ASRGL1: variants seen among roughly 807,000 people sequenced by gnomAD.
ASRGL1 encodes isoaspartyl peptidase/L-asparaginase.
A neutral mutation model predicts 22.4 loss-of-function variants in ASRGL1; 16 were observed. That is an observed-to-expected ratio of 0.71 (90% CI 0.48 to 1.08). ASRGL1 has a LOEUF of 1.08. ASRGL1 is among the 50% of genes least tolerant of loss of function. The pLI is 0.00. For synonymous variants in ASRGL1, 165 were observed against 159.3 expected (o/e 1.04, Z -0.27); for missense variants, 412 against 410.1 (o/e 1.00, Z -0.04).
At chr11:62,355,668 G>C (rs59299246) in intron 2 of ASRGL1, among the ~76,000 whole-genome samples, 8 of 148,018 alleles carry the variant, frequency 5.4e-5, no homozygotes, top group African/African-American at 2.0e-4. Context: ...GTTTCTCGCA[G>C]AGGGGGATTT....
intron 2 of ASRGL1, among the ~76,000 whole-genome samples, chr11:62,343,377 CAAAAAAAAA>C (rs35798082): frequency 4.6e-5 from 4 of 86,352 alleles, no homozygotes; most frequent in Non-Finnish European, 8.8e-5. Context: ...GACCCTGTCT[CAAAAAAAAA>C]AAAAAAAAAA....
intron 4 of ASRGL1, among the ~76,000 whole-genome samples, chr11:62,361,596 T>C (rs902392538): frequency 6.6e-6 from 1 of 151,190 alleles, no homozygotes; most frequent in African/African-American, 2.4e-5. Context: ...CAAGAGATTC[T>C]TCTGCCTCAG....
chr11:62,353,343 C>CT (rs35136967), intron 2 of ASRGL1, among the ~76,000 whole-genome samples: 82,002 of 135,912 alleles, frequency 0.6, 25,614 homozygotes, highest in South Asian at 0.77. Flanking sequence ...TTTTATGATG[C>CT]TTTTTTTTTT....
At chr11:62,365,163 A>C (rs1946580902) in intron 4 of ASRGL1, among the ~76,000 whole-genome samples, 1 of 152,170 alleles carries the variant, frequency 6.6e-6, no homozygotes, top group East Asian at 1.9e-4. Flanking sequence ...TGTAAGCCAG[A>C]GGGTACAAAA....
chr11:62,372,219 TG>T, intron 4 of ASRGL1: 1 of 1,270,700 alleles, frequency 7.9e-7, no homozygotes, highest in Admixed American at 1.7e-5. Flanking sequence ...AGCCACGAAG[TG>T]ATTGTGTGCA....
chr11:62,349,098 C>T (rs551832102), intron 2 of ASRGL1, among the ~76,000 whole-genome samples: 2 of 152,006 alleles, frequency 1.3e-5, no homozygotes, highest in East Asian at 3.9e-4. Context: ...CCTCCTGAGT[C>T]GCTGGGATTA....
chr11:62,366,961 T>A (rs900585022), intron 4 of ASRGL1, among the ~76,000 whole-genome samples: 6 of 152,214 alleles, frequency 3.9e-5, no homozygotes, highest in African/African-American at 1.4e-4. Flanking sequence ...TCCCAGCAGC[T>A]TGGGAGGCTG....
At chr11:62,362,246 C>CTA (rs1946451604) in intron 4 of ASRGL1, among the ~76,000 whole-genome samples, 1 of 151,318 alleles carries the variant, frequency 6.6e-6, no homozygotes, top group Non-Finnish European at 1.5e-5. Context: ...ATATTTCACC[C>CTA]TATAACAAGT....
intron 4 of ASRGL1, among the ~76,000 whole-genome samples, chr11:62,369,253 C>T (rs1437766421): frequency 2.0e-5 from 3 of 152,080 alleles, no homozygotes; most frequent in Admixed American, 2.0e-4. Flanking sequence ...TAACAAAGTA[C>T]ATCCTGTATA....
chr11:62,395,453 G>A (rs545059824), downstream of ASRGL1, among the ~76,000 whole-genome samples: 2 of 152,282 alleles, frequency 1.3e-5, no homozygotes, highest in Middle Eastern at 3.4e-3. Flanking sequence ...CTGCTGGGCT[G>A]CAGAGAAGAG....
intron 4 of ASRGL1, among the ~76,000 whole-genome samples, chr11:62,360,608 A>T (rs1946409799): frequency 6.6e-6 from 1 of 152,216 alleles, no homozygotes; most frequent in Non-Finnish European, 1.5e-5. Context: ...AGGGTGACCC[A>T]CATAAAATTC....
Position 62,376,343 on chromosome 11 carries a change from G to A in ASRGL1, c.492-12790G>A, listed in dbSNP as rs547783901. ...GCAGTGTTTCTGTCTCCGCGGAGGC[G>A]CTTTTTTTTGCATCTCCGATGGGTT... On this transcript the variant is annotated intron_variant, in intron 4 of 6. Transcript: ENST00000415229. Among the ~76,000 whole-genome samples the A allele has an allele frequency of 2.6e-5, 4 of 152,072 alleles. No homozygotes were observed. In the South Asian group the frequency reaches 6.3e-4, roughly 24 times the overall value.
At position 62,369,865 on chromosome 11, in the gene ASRGL1, C is replaced by T. The variant is rs183579365; in HGVS notation, c.491+12721C>T. Among the ~76,000 whole-genome samples the T allele has an allele frequency of 1.1e-4, 16 of 152,180 alleles. No individual in the cohort carries two copies. In the East Asian group the frequency reaches 2.1e-3, roughly 20 times the overall value. ...ATTCCAGTCACACTGTAACTGGAAA[C>T]GATGTTCTAAGCTCATGAGCCTATC... is the stretch of plus-strand genomic sequence containing the variant. On this transcript the variant is annotated intron_variant, in intron 4 of 6. Coordinates refer to ENST00000415229, the MANE Select transcript of ASRGL1 (RefSeq NM_001083926.2).
intron 4 of ASRGL1, among the ~76,000 whole-genome samples, chr11:62,384,686 C>CA (rs1247635213): frequency 2.8e-5 from 4 of 143,984 alleles, no homozygotes; most frequent in Non-Finnish European, 6.0e-5. Flanking sequence ...GAGGCCAAGA[C>CA]AGGCAGACTG....
Position 62,392,568 on chromosome 11 carries a change from C to CAAAAAA in ASRGL1, c.*296_*301dup. 1 of 287,332 alleles carries CAAAAAA rather than the reference C, an allele frequency of 3.5e-6. No homozygotes were observed. Among genetic ancestry groups the CAAAAAA allele is most frequent in the Non-Finnish European group, 6.5e-6 (1 of 154,590 alleles). 17.8% of individuals were successfully genotyped at this position (287,332 alleles called of 1,614,324 possible). A position where few individuals can be genotyped will look rare whatever the true frequency, so the allele number is the denominator to read the frequency against. On this transcript the variant is annotated 3_prime_UTR_variant, in exon 7 of 7. Transcript: ENST00000415229. Reference sequence around the variant, plus strand: ...TGGGCAACAGAGCCAGGCCCTGTATCAAAAAAAAAAAAAAAAAGAAAAGGG... The same window carrying CAAAAAA: ...TGGGCAACAGAGCCAGGCCCTGTATCAAAAAAAAAAAAAAAAAAAAAAAGAAAAGGG...
chr11:62,365,387 C>G (rs969425662), intron 4 of ASRGL1, among the ~76,000 whole-genome samples: 1 of 151,632 alleles, frequency 6.6e-6, no homozygotes, highest in African/African-American at 2.4e-5. Context: ...AACCCCACTT[C>G]TACTAAATAT....
intron 4 of ASRGL1, among the ~76,000 whole-genome samples, chr11:62,360,695 T>C (rs1030112013): frequency 3.9e-5 from 6 of 152,096 alleles, no homozygotes; most frequent in Admixed American, 2.6e-4. Flanking sequence ...AGTAAGAAAA[T>C]TATTCTCACC....
rs566792505 is a variant in ASRGL1 at position 62,386,782 on chromosome 11, C to T, written c.492-2351C>T. On this transcript the variant is annotated intron_variant, in intron 4 of 6. Transcript: ENST00000415229. Reference sequence around the variant, plus strand: ...TTTCCAAAGATGTTGGTACAATTGACACTAACAGCAGTACTGAATGAGAGT... The same window carrying T: ...TTTCCAAAGATGTTGGTACAATTGATACTAACAGCAGTACTGAATGAGAGT... 2.6e-5 allele frequency among the ~76,000 whole-genome samples: 4 copies of T among 152,304 alleles called. No homozygotes were observed. In the South Asian group the frequency reaches 8.3e-4, roughly 32 times the overall value.
chr11:62,359,997 CT>C, intron 4 of ASRGL1, among the ~76,000 whole-genome samples: 1 of 145,124 alleles, frequency 6.9e-6, no homozygotes, highest in Middle Eastern at 3.6e-3. Context: ...CAAATTACTT[CT>C]TTTTTTTGTT....
Sources: gnomAD v4.1 joint callset for allele counts (sites outside exome capture counted in the v4.1 genomes callset) on GRCh38, gnomAD v4.1.1 for gene constraint, MANE v1.5 for transcripts, NCBI Gene and HGNC (gene_info 2026-07-23, HGNC 2026-07-21) for gene names.